The following DPP6 variants were observed in gnomAD, a reference collection of about 807,000 sequenced individuals.
DPP6 encodes A-type potassium channel modulatory protein DPP6.
A neutral mutation model predicts 122.6 loss-of-function variants in DPP6; 69 were observed. The ratio of observed to expected loss-of-function variants is 0.56; its 90% CI spans 0.46 to 0.69. DPP6 has a LOEUF of 0.69. DPP6 is among the 30% of genes least tolerant of loss of function. The probability of loss-of-function intolerance (pLI) is 0.00; values close to 1 mark genes in which losing one functional copy is unlikely to be tolerated. For synonymous variants in DPP6, 418 were observed against 433.1 expected (o/e 0.97, Z 0.43); for missense variants, 928 against 1,116.9 (o/e 0.83, Z 2.41).
intron 8 of DPP6, among the ~76,000 whole-genome samples, chr7:154,743,935 T>A (rs1207341157): frequency 6.6e-6 from 1 of 152,170 alleles, no homozygotes; most frequent in Non-Finnish European, 1.5e-5. Flanking sequence ...AATCTGCACA[T>A]AAGTCGACCC....
intron 1 of DPP6, among the ~76,000 whole-genome samples, chr7:154,167,275 G>A (rs1259322471): frequency 6.6e-6 from 1 of 152,152 alleles, no homozygotes; most frequent in East Asian, 1.9e-4. Flanking sequence ...TAGAAGTTAA[G>A]CACCCTAACA....
chr7:154,297,869 C>T (rs956595739), intron 1 of DPP6, among the ~76,000 whole-genome samples: 2 of 152,124 alleles, frequency 1.3e-5, no homozygotes, highest in African/African-American at 4.8e-5. Flanking sequence ...AGCGTGCACG[C>T]TGACAGATGC....
intron 3 of DPP6, among the ~76,000 whole-genome samples, chr7:154,538,261 G>T (rs1173295414): frequency 6.6e-6 from 1 of 152,014 alleles, no homozygotes; most frequent in Non-Finnish European, 1.5e-5. Context: ...TTAAGTTCCG[G>T]GATACATGTG....
rs770679129 is a variant in DPP6, at chr7:154,510,963, CACACACACAG to C, written c.458-29567_458-29558del. ...ACACACACACACACACACACACACA[CACACACACAG>C]AGAGAGAGAGAGCAAGGAAAAGATA... On this transcript the variant is annotated intron_variant, in intron 3 of 25. Transcript: ENST00000377770. Among the ~76,000 whole-genome samples the C allele has an allele frequency of 3.3e-3, 430 of 129,978 alleles. 3 individuals are homozygous for C. Among genetic ancestry groups the C allele is most frequent in the East Asian group, 0.03 (149 of 5,036 alleles). The allele number at this position is 129,978 out of a possible 152,430, so 85.3% of individuals were successfully genotyped here.
chr7:154,077,493 G>A (rs1239363202), intron 1 of DPP6, among the ~76,000 whole-genome samples: 3 of 152,000 alleles, frequency 2.0e-5, no homozygotes, highest in Admixed American at 1.3e-4. Flanking sequence ...ACTTCTCACC[G>A]TGCAGGATCT....
intron 6 of DPP6, among the ~76,000 whole-genome samples, chr7:154,667,606 C>G (rs575438270): frequency 2.0e-5 from 3 of 152,132 alleles, no homozygotes; most frequent in Non-Finnish European, 4.4e-5. Flanking sequence ...GCCTATAATC[C>G]CAGCTACTTG....
At chr7:154,669,249 A>C in intron 6 of DPP6, 111 bp from the exon 7 acceptor site, 1 of 1,482,220 alleles carries the variant, frequency 6.7e-7, no homozygotes, top group Non-Finnish European at 9.2e-7. Flanking sequence ...TGAAATGGAT[A>C]CCATGGAAGG....
At chr7:154,208,126 T>C (rs908871690) in intron 1 of DPP6, among the ~76,000 whole-genome samples, 3 of 152,264 alleles carry the variant, frequency 2.0e-5, no homozygotes, top group African/African-American at 7.2e-5. Context: ...CCTCTATAAG[T>C]GTTAACTAAC....
chr7:153,788,359 C>T, the DPP6 span, among the ~76,000 whole-genome samples: 1 of 152,294 alleles, frequency 6.6e-6, no homozygotes, highest in East Asian at 1.9e-4. Flanking sequence ...CGTCTGTAGA[C>T]TTTCTGAACA....
At chr7:153,790,924 T>C in the DPP6 span, among the ~76,000 whole-genome samples, 15 of 152,280 alleles carry the variant, frequency 9.9e-5, no homozygotes, top group East Asian at 2.9e-3. Context: ...AATCCTTGAG[T>C]TCATTTCTAC....
intron 1 of DPP6, among the ~76,000 whole-genome samples, chr7:154,324,615 G>A (rs550306173): frequency 6.6e-6 from 1 of 152,082 alleles, no homozygotes; most frequent in African/African-American, 2.4e-5. Flanking sequence ...TCCATGTCTG[G>A]GTTGGGGGTG....
intron 1 of DPP6, among the ~76,000 whole-genome samples, chr7:154,080,865 G>A (rs1803946103): frequency 6.6e-6 from 1 of 152,110 alleles, no homozygotes; most frequent in Non-Finnish European, 1.5e-5. Context: ...CCTGGGATTG[G>A]CCATCCCCTC....
chr7:154,630,958 A>C (rs1835370968), intron 5 of DPP6, among the ~76,000 whole-genome samples: 1 of 152,250 alleles, frequency 6.6e-6, no homozygotes, highest in Admixed American at 6.5e-5. Context: ...ATTTAAAAAT[A>C]AAATAATAAA....
intron 1 of DPP6, among the ~76,000 whole-genome samples, chr7:154,400,588 G>T (rs915937189): frequency 6.6e-6 from 1 of 152,150 alleles, no homozygotes; most frequent in Non-Finnish European, 1.5e-5. Context: ...ATTTTATCCA[G>T]TTCAGATCTC....
At chr7:154,509,010 G>T (rs1041689451) in intron 3 of DPP6, among the ~76,000 whole-genome samples, 2 of 152,038 alleles carry the variant, frequency 1.3e-5, no homozygotes, top group African/African-American at 4.8e-5. Flanking sequence ...CTAAATGTAA[G>T]AGCTAAAACT....
the DPP6 span, among the ~76,000 whole-genome samples, chr7:153,856,720 G>A: frequency 6.6e-6 from 1 of 152,094 alleles, no homozygotes; most frequent in African/African-American, 2.4e-5. Flanking sequence ...TAACTTACCA[G>A]GTAATTAATT....
At chr7:154,163,058 A>T (rs1342315757) in intron 1 of DPP6, among the ~76,000 whole-genome samples, 1 of 151,890 alleles carries the variant, frequency 6.6e-6, no homozygotes, top group Non-Finnish European at 1.5e-5. Context: ...GAATCTGATC[A>T]TTGCTAGTGT....
At chr7:154,137,664 G>GGGA (rs1554473124) in intron 1 of DPP6, among the ~76,000 whole-genome samples, 2 of 118,312 alleles carry the variant, frequency 1.7e-5, no homozygotes, top group African/African-American at 6.1e-5. Context: ...GGGGTGGGGG[G>GGGA]GGTGGGGCGA....
At chr7:154,823,592 A>G (rs1799943197) in intron 16 of DPP6, among the ~76,000 whole-genome samples, 2 of 152,204 alleles carry the variant, frequency 1.3e-5, no homozygotes, top group Admixed American at 6.5e-5. Context: ...AGTCCTAACC[A>G]TCATTGTATG....
Sources: gnomAD v4.1 joint callset for allele counts (sites outside exome capture counted in the v4.1 genomes callset) on GRCh38, gnomAD v4.1.1 for gene constraint, MANE v1.5 for transcripts, NCBI Gene and HGNC (gene_info 2026-07-23, HGNC 2026-07-21) for gene names.